The following SLC25A21 variants were observed in gnomAD, a reference collection of about 807,000 sequenced individuals.
The protein encoded by SLC25A21 is solute carrier family 25 member 21.
SLC25A21 carries 47 observed loss-of-function variants against 43.8 expected under a neutral mutation model. The observed-to-expected ratio is 1.07, with a 90% CI of 0.85 to 1.37. SLC25A21 has a LOEUF of 1.37. Ranked by LOEUF, SLC25A21 falls within the 40% of genes most tolerant of loss-of-function variation. The pLI is 0.00. For synonymous variants in SLC25A21, 131 were observed against 121.3 expected (o/e 1.08, Z -0.52); for missense variants, 352 against 350.2 (o/e 1.00, Z -0.04).
At chr14:37,124,010 A>G (rs1458258066) in intron 1 of SLC25A21, among the ~76,000 whole-genome samples, 1 of 150,822 alleles carries the variant, frequency 6.6e-6, no homozygotes, top group Non-Finnish European at 1.5e-5. Context: ...TTTTCTTATC[A>G]TTATCTTTTT....
At chr14:36,963,220 T>C (rs998626687) in intron 1 of SLC25A21, among the ~76,000 whole-genome samples, 14 of 152,046 alleles carry the variant, frequency 9.2e-5, no homozygotes, top group Non-Finnish European at 1.6e-4. Context: ...AAAGAAACGA[T>C]AAGTGAAAAA....
intron 3 of SLC25A21, among the ~76,000 whole-genome samples, chr14:36,745,036 C>G (rs1594546082): frequency 6.7e-6 from 1 of 149,356 alleles, no homozygotes; most frequent in South Asian, 2.2e-4. Flanking sequence ...ATGTTCCCCT[C>G]CCTGTGTCCA....
In SLC25A21 at chr14:36,684,802, C is replaced by T; in HGVS notation, c.727G>A (p.Gly243Arg). Residue 243 changes from glycine (G) to arginine (R), a missense_variant, in exon 8 of 10, where the codon GGA becomes AGA. Physicochemically the swap from Gly to Arg is moderately radical, Grantham distance 125 (BLOSUM62 -2). Coordinates refer to ENST00000331299, the MANE Select transcript of SLC25A21 (RefSeq NM_030631.4). ...AAACAGGTTCTGTACTTGATCTCTC[C>T]AGGAACTGGTTGAGGCCCTTGAATC... ...SRIQGPQPVP[G>R]EIKYRTCFKT... 1.9e-6 allele frequency: 3 copies of T among 1,614,018 alleles called. No individual in the cohort carries two copies. The highest frequency in any genetic ancestry group is 1.7e-6 in the Non-Finnish European group (2 of 1,179,962).
At chr14:36,824,129 A>G (rs1888733612) in intron 2 of SLC25A21, among the ~76,000 whole-genome samples, 4 of 152,180 alleles carry the variant, frequency 2.6e-5, no homozygotes, top group Admixed American at 2.6e-4. Flanking sequence ...ATTTTAAGTG[A>G]TCAAGTGTAC....
intron 1 of SLC25A21, among the ~76,000 whole-genome samples, chr14:37,168,023 C>G (rs747630635): frequency 1.1e-4 from 17 of 152,082 alleles, no homozygotes; most frequent in Non-Finnish European, 2.1e-4. Context: ...TAAATCCGCT[C>G]GGTCTAGGCA....
intron 1 of SLC25A21, among the ~76,000 whole-genome samples, chr14:36,936,091 A>G (rs1010059868): frequency 6.6e-6 from 1 of 152,204 alleles, no homozygotes; most frequent in Non-Finnish European, 1.5e-5. Flanking sequence ...CAGGCCAACA[A>G]TCACAGAAGT....
chr14:36,735,119 GGAA>G (rs1356461865), intron 3 of SLC25A21, among the ~76,000 whole-genome samples: 7 of 152,170 alleles, frequency 4.6e-5, no homozygotes, highest in African/African-American at 1.7e-4. Flanking sequence ...TGATGGAAGT[GGAA>G]GAAGGTCACA....
intron 1 of SLC25A21, among the ~76,000 whole-genome samples, chr14:36,949,312 G>T (rs191127872): frequency 6.6e-6 from 1 of 152,216 alleles, no homozygotes; most frequent in East Asian, 1.9e-4. Flanking sequence ...CCTTGGTGAT[G>T]GACACACCCC....
chr14:36,879,831 G>A (rs1281115757), intron 1 of SLC25A21, among the ~76,000 whole-genome samples: 2 of 149,528 alleles, frequency 1.3e-5, no homozygotes, highest in Admixed American at 1.3e-4. Flanking sequence ...AAAAAAAAAA[G>A]TACAAACATT....
intron 3 of SLC25A21, among the ~76,000 whole-genome samples, chr14:36,792,536 G>C (rs1204877502): frequency 6.6e-6 from 1 of 152,054 alleles, no homozygotes. Context: ...ATTGGTTTGC[G>C]ATAGAGTTGC....
At chr14:36,698,749 T>C (rs776951006) in intron 7 of SLC25A21, among the ~76,000 whole-genome samples, 1 of 152,214 alleles carries the variant, frequency 6.6e-6, no homozygotes, top group Non-Finnish European at 1.5e-5. Flanking sequence ...TCTCGTGCCA[T>C]GGTTTTCAGC....
chr14:36,982,031 T>C (rs1232111251), intron 1 of SLC25A21, among the ~76,000 whole-genome samples: 1 of 152,176 alleles, frequency 6.6e-6, no homozygotes, highest in African/African-American at 2.4e-5. Context: ...TTTTGTGTCC[T>C]TTAAGGTATG....
intron 1 of SLC25A21, among the ~76,000 whole-genome samples, chr14:36,953,580 T>G (rs1209261989): frequency 6.6e-6 from 1 of 152,210 alleles, no homozygotes; most frequent in East Asian, 1.9e-4. Flanking sequence ...TCTTAGATAA[T>G]TTTCTTTATT....
At chr14:37,170,033 G>A (rs1964095121) in intron 1 of SLC25A21, among the ~76,000 whole-genome samples, 2 of 151,922 alleles carry the variant, frequency 1.3e-5, no homozygotes, top group South Asian at 2.1e-4. Context: ...TAGGATCAGA[G>A]TTTGATCTAC....
intron 2 of SLC25A21, among the ~76,000 whole-genome samples, chr14:36,862,797 C>T (rs1423965857): frequency 6.6e-6 from 1 of 152,040 alleles, no homozygotes; most frequent in Non-Finnish European, 1.5e-5. Context: ...TTTATGATGG[C>T]ATAACACTTA....
At chr14:36,794,208 G>C (rs1887592517) in intron 3 of SLC25A21, among the ~76,000 whole-genome samples, 2 of 152,130 alleles carry the variant, frequency 1.3e-5, no homozygotes, top group Admixed American at 1.3e-4. Context: ...GTGCCAACAA[G>C]GGAGCAGAAA....
chr14:37,136,546 G>C (rs879877582), intron 1 of SLC25A21, among the ~76,000 whole-genome samples: 2 of 152,054 alleles, frequency 1.3e-5, no homozygotes, highest in Non-Finnish European at 2.9e-5. Flanking sequence ...ATACTCCCAG[G>C]TATTCACCCA....
intron 1 of SLC25A21, among the ~76,000 whole-genome samples, chr14:36,907,372 T>G (rs1891564005): frequency 6.6e-6 from 1 of 152,138 alleles, no homozygotes; most frequent in South Asian, 2.1e-4. Context: ...TTGGTTTTGT[T>G]TAATTGACAG....
intron 1 of SLC25A21, among the ~76,000 whole-genome samples, chr14:36,923,760 A>G (rs1335713536): frequency 1.3e-5 from 2 of 152,164 alleles, no homozygotes; most frequent in Non-Finnish European, 2.9e-5. Flanking sequence ...AAATAGCAAT[A>G]CAAAAATTTT....
Sources: gnomAD v4.1 joint callset for allele counts (sites outside exome capture counted in the v4.1 genomes callset) on GRCh38, gnomAD v4.1.1 for gene constraint, MANE v1.5 for transcripts, NCBI Gene and HGNC (gene_info 2026-07-23, HGNC 2026-07-21) for gene names.